ARHGAP26: variants seen among roughly 807,000 people sequenced by gnomAD.
The protein encoded by ARHGAP26 is Rho GTPase activating protein 26.
ARHGAP26 carries 38 observed loss-of-function variants against 104.8 expected under a neutral mutation model. That is an observed-to-expected ratio of 0.36 (90% confidence interval 0.28 to 0.48). ARHGAP26 has a LOEUF of 0.48. ARHGAP26 is among the 20% of genes least tolerant of loss of function. The probability of loss-of-function intolerance (pLI) is 0.99; values close to 1 mark genes in which losing one functional copy is unlikely to be tolerated. For missense variants in ARHGAP26, 704 were observed against 947.9 expected, an observed-to-expected ratio of 0.74 and a Z score of 3.38; for synonymous variants, 341 against 340.0, an observed-to-expected ratio of 1.00 and a Z score of -0.03.
chr5:142,991,200 T>C (rs1775561089), intron 11 of ARHGAP26, among the ~76,000 whole-genome samples: 1 of 152,218 alleles, frequency 6.6e-6, no homozygotes, highest in Non-Finnish European at 1.5e-5. Flanking sequence ...CGCCTTGCAG[T>C]TCGATCTCAG....
At chr5:142,866,911 G>C (rs558948446) in intron 1 of ARHGAP26, 7 of 152,218 alleles carry the variant, frequency 4.6e-5, no homozygotes, top group Admixed American at 4.6e-4. Context: ...AGACACTGTG[G>C]TGGTGACTTC....
rs568794120 is a variant in ARHGAP26, at chr5:143,014,688, G to A, written c.1144+572G>A. On this transcript the variant is annotated intron_variant, in intron 12 of 22. Transcript: ENST00000645722. ...ACTGTAGTGCATTTGCCCTGCTGCTGCCTGTAAGCACTCTGGTTAATCATG... is the reference window on the plus strand; with the variant it reads ...ACTGTAGTGCATTTGCCCTGCTGCTACCTGTAAGCACTCTGGTTAATCATG... 1.6e-4 allele frequency among the ~76,000 whole-genome samples: 25 copies of A among 152,296 alleles called. No individual in the cohort carries two copies. The South Asian group carries it at 5.2e-3, about 32-fold the overall frequency.
At chr5:143,098,300 AG>A (rs1166926075) in intron 17 of ARHGAP26, among the ~76,000 whole-genome samples, 1 of 152,204 alleles carries the variant, frequency 6.6e-6, no homozygotes, top group Non-Finnish European at 1.5e-5. Context: ...ATTCCTTCTA[AG>A]CATACAATTC....
intron 2 of ARHGAP26, 118 bp from the exon 3 acceptor site, chr5:142,874,992 A>G: frequency 1.3e-6 from 1 of 785,518 alleles, no homozygotes. Flanking sequence ...GAAGCAATTG[A>G]CTTTAGGCAT....
chr5:143,033,793 T>C (rs924016504), intron 12 of ARHGAP26, among the ~76,000 whole-genome samples: 38 of 151,688 alleles, frequency 2.5e-4, no homozygotes, highest in African/African-American at 9.0e-4. Context: ...CCAGACTTCT[T>C]TGATTCTCAT....
At chr5:143,085,262 G>A (rs987374726) in intron 17 of ARHGAP26, among the ~76,000 whole-genome samples, 21 of 152,002 alleles carry the variant, frequency 1.4e-4, no homozygotes, top group Admixed American at 1.3e-4. Context: ...GTGCTTCATA[G>A]AACATCCTCT....
At chr5:143,190,570 T>C (rs2151249281) in intron 20 of ARHGAP26, among the ~76,000 whole-genome samples, 1 of 152,182 alleles carries the variant, frequency 6.6e-6, no homozygotes, top group Middle Eastern at 3.4e-3. Flanking sequence ...TCCCAGACAA[T>C]TTCTAGAAGA....
intron 17 of ARHGAP26, among the ~76,000 whole-genome samples, chr5:143,084,498 AGT>A (rs1324517537): frequency 6.6e-6 from 1 of 152,184 alleles, no homozygotes; most frequent in Non-Finnish European, 1.5e-5. Flanking sequence ...TTATGGCCTG[AGT>A]TTCCACAGAT....
chr5:143,158,063 A>G (rs1438693135), intron 20 of ARHGAP26, among the ~76,000 whole-genome samples: 1 of 152,204 alleles, frequency 6.6e-6, no homozygotes, highest in Admixed American at 6.5e-5. Context: ...AATAAAACCA[A>G]TCAATAAAAA....
intron 12 of ARHGAP26, among the ~76,000 whole-genome samples, chr5:143,033,274 G>T (rs1025545909): frequency 1.3e-5 from 2 of 152,188 alleles, no homozygotes; most frequent in African/African-American, 4.8e-5. Context: ...ACAAATTGGA[G>T]AATCTCTAAC....
chr5:143,092,663 T>G (rs1791628350), intron 17 of ARHGAP26, among the ~76,000 whole-genome samples: 1 of 152,200 alleles, frequency 6.6e-6, no homozygotes, highest in Admixed American at 6.5e-5. Context: ...ATAATACATG[T>G]TACACTGTTA....
At chr5:142,942,881 A>G (rs1210582242) in intron 11 of ARHGAP26, among the ~76,000 whole-genome samples, 2 of 152,162 alleles carry the variant, frequency 1.3e-5, no homozygotes, top group African/African-American at 4.8e-5. Flanking sequence ...CCCAGGTTCA[A>G]GCAATTTTCC....
intron 20 of ARHGAP26, among the ~76,000 whole-genome samples, chr5:143,194,318 A>T (rs534921298): frequency 1.3e-5 from 2 of 152,320 alleles, no homozygotes; most frequent in African/African-American, 4.8e-5. Context: ...GATGGACTGG[A>T]ATGGTAAAAG....
chr5:142,949,193 GA>G (rs1444934462), intron 11 of ARHGAP26, among the ~76,000 whole-genome samples: 3 of 34,870 alleles, frequency 8.6e-5, no homozygotes, highest in African/African-American at 5.5e-4. Flanking sequence ...GAGAGAGAGA[GA>G]GAGAGAGAGA....
intron 11 of ARHGAP26, among the ~76,000 whole-genome samples, chr5:142,997,350 C>T (rs1458769942): frequency 1.3e-5 from 2 of 152,076 alleles, no homozygotes; most frequent in African/African-American, 4.8e-5. Flanking sequence ...TGCACAGGCC[C>T]TACTCTACCT....
At chr5:143,027,763 A>G (rs996711408) in intron 12 of ARHGAP26, among the ~76,000 whole-genome samples, 2 of 152,238 alleles carry the variant, frequency 1.3e-5, no homozygotes, top group Non-Finnish European at 2.9e-5. Context: ...GGAATGTGGT[A>G]TAGATACTGG....
chr5:143,085,417 G>A (rs1440045891), intron 17 of ARHGAP26, among the ~76,000 whole-genome samples: 1 of 152,142 alleles, frequency 6.6e-6, no homozygotes, highest in African/African-American at 2.4e-5. Flanking sequence ...AGAAAAAAGA[G>A]GGGGACAAGA....
intron 11 of ARHGAP26, among the ~76,000 whole-genome samples, chr5:143,009,338 T>C (rs1006452319): frequency 4.6e-5 from 7 of 152,218 alleles, no homozygotes; most frequent in African/African-American, 1.4e-4. Context: ...GTCATCACAA[T>C]GACTTATTGA....
intron 21 of ARHGAP26, among the ~76,000 whole-genome samples, chr5:143,210,906 G>A (rs901069316): frequency 2.0e-5 from 3 of 152,320 alleles, no homozygotes; most frequent in African/African-American, 7.2e-5. Flanking sequence ...GTTGACAGGA[G>A]CAGCCGAAAA....
Sources: allele counts gnomAD v4.1 joint callset (sites outside exome capture counted in the v4.1 genomes callset), GRCh38; gene constraint gnomAD v4.1.1; transcripts MANE v1.5; gene names NCBI Gene and HGNC (gene_info 2026-07-23, HGNC 2026-07-21).